KCNC2: variants seen among roughly 807,000 people sequenced by gnomAD.
KCNC2 encodes voltage-gated potassium channel KCNC2.
In KCNC2, 21 loss-of-function variants were observed where a neutral mutation model predicts 44.5. The observed-to-expected ratio is 0.47, with a 90% CI of 0.33 to 0.68. The LOEUF (loss-of-function observed/expected upper bound fraction) is 0.68. Ranked by LOEUF, KCNC2 falls within the 30% of genes least tolerant of loss-of-function variation. The pLI is 0.01. For synonymous variants in KCNC2, 391 were observed against 339.1 expected (o/e 1.15, Z -1.68); for missense variants, 589 against 826.2 (o/e 0.71, Z 3.52).
intron 2 of KCNC2, among the ~76,000 whole-genome samples, chr12:75,084,293 TA>T (rs374940750): frequency 0.024 from 2,932 of 121,900 alleles, 34 homozygotes; most frequent in South Asian, 0.044. Flanking sequence ...AGATAGATGA[TA>T]GATAGATAGA....
rs140619103 is a variant in KCNC2 at position 75,054,148 on chromosome 12, C to T, written c.688-2831G>A. Among the ~76,000 whole-genome samples the T allele has an allele frequency of 2.8e-3, 424 of 151,738 alleles. 2 individuals carry two copies. The highest frequency in any genetic ancestry group is 4.4e-3 in the Non-Finnish European group (299 of 67,940). On this transcript the variant is annotated intron_variant, in intron 2 of 4. Coordinates refer to ENST00000549446, the MANE Select transcript of KCNC2 (RefSeq NM_139137.4). ...TACTGAGGCAGGAGAATCACTTGAACCCAGGAGGAAAAGGTTGCAGTGAGC... is the reference window on the plus strand; with the variant it reads ...TACTGAGGCAGGAGAATCACTTGAATCCAGGAGGAAAAGGTTGCAGTGAGC...
At chr12:75,086,229 T>A (rs1206663612) in intron 2 of KCNC2, among the ~76,000 whole-genome samples, 3 of 151,954 alleles carry the variant, frequency 2.0e-5, no homozygotes, top group Admixed American at 6.6e-5. Context: ...GAGGGAAGAA[T>A]CAGGGAGGGG....
At chr12:75,096,852 C>T (rs967710897) in intron 2 of KCNC2, among the ~76,000 whole-genome samples, 1 of 151,994 alleles carries the variant, frequency 6.6e-6, no homozygotes, top group Admixed American at 6.6e-5. Flanking sequence ...CTTTTAAGCA[C>T]TTAAGAAATT....
chr12:75,090,190 C>T (rs1391760754), intron 2 of KCNC2, among the ~76,000 whole-genome samples: 1 of 151,776 alleles, frequency 6.6e-6, no homozygotes, highest in Admixed American at 6.6e-5. Context: ...TTCAGAAATG[C>T]TAAATGTCTT....
At chr12:75,124,114 TA>T (rs1390400218) in intron 2 of KCNC2, 2 of 152,208 alleles carry the variant, frequency 1.3e-5, no homozygotes, top group Non-Finnish European at 2.9e-5. Flanking sequence ...TTGCTTTCCC[TA>T]AATAAATTTT....
intron 2 of KCNC2, among the ~76,000 whole-genome samples, chr12:75,104,983 G>A (rs1282174639): frequency 1.3e-5 from 2 of 152,094 alleles, no homozygotes; most frequent in Non-Finnish European, 2.9e-5. Context: ...TTAGGCACTT[G>A]AGAATTAAGC....
chr12:75,166,710 C>A (rs1255637045), intron 2 of KCNC2, among the ~76,000 whole-genome samples: 5 of 150,914 alleles, frequency 3.3e-5, no homozygotes. Flanking sequence ...TCCTAAGTAA[C>A]CAATGGATCA....
At chr12:75,136,546 T>C (rs1286244410) in intron 2 of KCNC2, among the ~76,000 whole-genome samples, 1 of 151,982 alleles carries the variant, frequency 6.6e-6, no homozygotes, top group Non-Finnish European at 1.5e-5. Flanking sequence ...TATGAACAAC[T>C]ACGCTCACCA....
At position 75,041,684 on chromosome 12, in the gene KCNC2, G is replaced by T. The variant is rs912782045; in HGVS notation, c.*1421C>A. On this transcript the variant is annotated 3_prime_UTR_variant, in exon 5 of 5. Coordinates refer to ENST00000549446, the MANE Select transcript of KCNC2 (RefSeq NM_139137.4). Reference sequence around the variant, plus strand: ...TTGTTGGAGTGTAGTAATGAATGCTGGTTGCTAGGTAGTAGAAACTGACAC... The same window carrying T: ...TTGTTGGAGTGTAGTAATGAATGCTTGTTGCTAGGTAGTAGAAACTGACAC... 1 of 997,186 alleles carries T rather than the reference G, an allele frequency of 1.0e-6. No individual in the cohort carries two copies. The highest frequency in any genetic ancestry group is 1.2e-6 in the Non-Finnish European group (1 of 836,280). The allele number at this position is 997,186 out of a possible 1,614,324, so 61.8% of individuals were successfully genotyped here. A position where few individuals can be genotyped will look rare whatever the true frequency, so the allele number is the denominator to read the frequency against.
intron 2 of KCNC2, among the ~76,000 whole-genome samples, chr12:75,152,253 C>G (rs1037739073): frequency 4.7e-5 from 7 of 148,988 alleles, no homozygotes; most frequent in African/African-American, 1.5e-4. Context: ...TAAATACATA[C>G]GTAAACATAT....
At chr12:75,116,219 T>C (rs1188667055) in intron 2 of KCNC2, among the ~76,000 whole-genome samples, 3 of 152,116 alleles carry the variant, frequency 2.0e-5, no homozygotes, top group African/African-American at 4.8e-5. Flanking sequence ...CCAAAGACGG[T>C]TGCAGGACCT....
rs1182050762 is a variant in KCNC2, at chr12:75,042,388, A to G, written c.*717T>C. Reference sequence around the variant, plus strand: ...CTTTGCAGTTATCTGTGTGCAAACAACCAGAGACATTCAGAACTCCAATAC... The same window carrying G: ...CTTTGCAGTTATCTGTGTGCAAACAGCCAGAGACATTCAGAACTCCAATAC... On this transcript the variant is annotated 3_prime_UTR_variant, in exon 5 of 5. Coordinates refer to ENST00000549446, the MANE Select transcript of KCNC2 (RefSeq NM_139137.4). 8 of 1,609,778 alleles carry G rather than the reference A, an allele frequency of 5.0e-6. No individual in the cohort carries two copies. The highest frequency in any genetic ancestry group is 6.8e-6 in the Non-Finnish European group (8 of 1,177,228).
At chr12:75,181,175 A>T (rs1011028123) in intron 2 of KCNC2, among the ~76,000 whole-genome samples, 102 of 152,192 alleles carry the variant, frequency 6.7e-4, no homozygotes, top group African/African-American at 2.4e-3. Flanking sequence ...TTAAAATGCA[A>T]CTTAGTTAGA....
At chr12:75,086,500 C>T (rs1885008836) in intron 2 of KCNC2, among the ~76,000 whole-genome samples, 1 of 151,676 alleles carries the variant, frequency 6.6e-6, no homozygotes. Flanking sequence ...TACTAAAATG[C>T]ATGTGAATAA....
intron 2 of KCNC2, among the ~76,000 whole-genome samples, chr12:75,087,500 A>G (rs915522919): frequency 6.6e-6 from 1 of 152,110 alleles, no homozygotes; most frequent in Non-Finnish European, 1.5e-5. Flanking sequence ...ATAATCTTGT[A>G]AAGACAGGAT....
At chr12:75,110,223 C>A (rs952505671) in intron 2 of KCNC2, among the ~76,000 whole-genome samples, 16 of 152,046 alleles carry the variant, frequency 1.1e-4, no homozygotes, top group East Asian at 5.8e-4. Context: ...GGAAAAAAAA[C>A]CAACATATTT....
intron 2 of KCNC2, among the ~76,000 whole-genome samples, chr12:75,072,340 G>T (rs1375570261): frequency 2.0e-5 from 3 of 152,070 alleles, no homozygotes; most frequent in Non-Finnish European, 2.9e-5. Flanking sequence ...CTAATCTCTG[G>T]TAAGTAAATC....
At chr12:75,109,401 C>T (rs770163637) in intron 2 of KCNC2, among the ~76,000 whole-genome samples, 20 of 152,062 alleles carry the variant, frequency 1.3e-4, no homozygotes, top group Non-Finnish European at 2.2e-4. Flanking sequence ...TTATTTAGAC[C>T]GTGTGGCACC....
intron 2 of KCNC2, among the ~76,000 whole-genome samples, chr12:75,169,444 T>C (rs1891667180): frequency 6.6e-6 from 1 of 151,582 alleles, no homozygotes. Context: ...TGCAAAATGA[T>C]AATTTATTCT....
Sources: gnomAD v4.1 joint callset for allele counts (sites outside exome capture counted in the v4.1 genomes callset) on GRCh38, gnomAD v4.1.1 for gene constraint, MANE v1.5 for transcripts, NCBI Gene and HGNC (gene_info 2026-07-23, HGNC 2026-07-21) for gene names.